Variants in C11orf16 observed in about 807,000 individuals in gnomAD.
C11orf16 encodes chromosome 11 open reading frame 16.
C11orf16 carries 38 observed loss-of-function variants against 45.1 expected under a neutral mutation model. The observed-to-expected ratio is 0.84, with a 90% CI of 0.65 to 1.10. The LOEUF is 1.10. Among genes scored for constraint, C11orf16 ranks in the 50% least tolerant of loss-of-function variants. The probability of loss-of-function intolerance (pLI) is 0.00; values close to 1 mark genes in which losing one functional copy is unlikely to be tolerated. For missense variants in C11orf16, 583 were observed against 569.5 expected (o/e 1.02, Z -0.24); for synonymous variants, 221 against 222.0 (o/e 1.00, Z 0.04).
At chr11:8,931,415 G>A (rs1181993597) in intron 2 of C11orf16, among the ~76,000 whole-genome samples, 3 of 152,024 alleles carry the variant, frequency 2.0e-5, no homozygotes, top group African/African-American at 7.2e-5. Context: ...TTGAGACAGA[G>A]TCTCACTCTG....
intron 2 of C11orf16, 93 bp downstream of exon 2, chr11:8,932,049 G>A (rs916853472): frequency 1.3e-5 from 17 of 1,325,966 alleles, no homozygotes; most frequent in Non-Finnish European, 1.7e-5. Flanking sequence ...TTCTCAGGAA[G>A]CAAGTCTGTC....
At chr11:8,924,444 C>T (rs75841717) in intron 5 of C11orf16, among the ~76,000 whole-genome samples, 31,353 of 151,938 alleles carry the variant, frequency 0.21, 3,357 homozygotes, top group East Asian at 0.35. Context: ...GAGAATCACT[C>T]GAACCTGGGA....
At chr11:8,924,631 C>A (rs1256310425) in intron 5 of C11orf16, among the ~76,000 whole-genome samples, 2 of 152,266 alleles carry the variant, frequency 1.3e-5, no homozygotes, top group East Asian at 1.9e-4. Context: ...AACCAGGGAC[C>A]CCCAGTGGGT....
chr11:8,928,615 CT>C (rs1405302844), intron 3 of C11orf16, among the ~76,000 whole-genome samples: 1 of 152,216 alleles, frequency 6.6e-6, no homozygotes, highest in Non-Finnish European at 1.5e-5. Flanking sequence ...ATCTTCCTGC[CT>C]GAGCCTCCCA....
Position 8,921,369 on chromosome 11 carries a change from T to G in C11orf16, c.1351A>C (p.Arg451=). ...ATTGCAAGGCTCTGACTCCGCTTTC[T>G]GTGTTCAGCTTCCCCTGGCGGGGTC... The part of the protein sequence containing the change: ...PRTPPGEAEH[R]KRSQSLAICQ... Residue 451 remains arginine (R), a synonymous_variant, in exon 6 of 7, where the codon AGA becomes CGA. Coordinates refer to ENST00000326053, the MANE Select transcript of C11orf16 (RefSeq NM_020643.3). 1 of 1,614,248 alleles carries G rather than the reference T, an allele frequency of 6.2e-7. No homozygotes were observed. The highest frequency in any genetic ancestry group is 8.5e-7 in the Non-Finnish European group (1 of 1,180,046).
rs911616559 is a variant in C11orf16, at chr11:8,925,462, C to T, written c.1204+1G>A. The T allele has an allele frequency of 2.5e-6, 4 of 1,610,344 alleles. No homozygotes were observed. In the African/African-American group the frequency reaches 5.3e-5, roughly 22 times the overall value. On this transcript the variant is annotated splice_donor_variant, in intron 5 of 6. Coordinates refer to ENST00000326053, the MANE Select transcript of C11orf16 (RefSeq NM_020643.3). LOFTEE classifies it high-confidence loss of function. Reference sequence around the variant, plus strand: ...AAAGCAAGCCCACTCCCCTGGTATACCTGGCTTCCCAAGGCATGGCTCAGG... The same window carrying T: ...AAAGCAAGCCCACTCCCCTGGTATATCTGGCTTCCCAAGGCATGGCTCAGG...
At chr11:8,921,834 TCTCA>T (rs1006631232) in intron 5 of C11orf16, among the ~76,000 whole-genome samples, 44 of 152,092 alleles carry the variant, frequency 2.9e-4, no homozygotes, top group Non-Finnish European at 5.7e-4. Flanking sequence ...GTAGAAACGG[TCTCA>T]CTATGTTGCC....
intron 3 of C11orf16, 145 bp from the exon 4 acceptor site, chr11:8,927,319 T>C: frequency 3.1e-6 from 2 of 648,986 alleles, no homozygotes; most frequent in Non-Finnish European, 5.4e-6. Flanking sequence ...ACAGGGCAGA[T>C]GCTGCTTCAA....
chr11:8,929,311 G>C (rs2064635010), intron 3 of C11orf16, 66 bp downstream of exon 3: 8 of 1,520,552 alleles, frequency 5.3e-6, no homozygotes, highest in African/African-American at 1.4e-5. Flanking sequence ...CACAGCTAAG[G>C]CATGTCAGGT....
In C11orf16 at chr11:8,930,846, G is replaced by GC. The variant is rs576993413; in HGVS notation, c.167+1295dup. On this transcript the variant is annotated intron_variant, in intron 2 of 6. Coordinates refer to ENST00000326053, the MANE Select transcript of C11orf16 (RefSeq NM_020643.3). Reference sequence around the variant, plus strand: ...GCAGACCCATGCTGAGCTGCCCTCAGCCCCCCTCAGCCTCCTTCCTGTGCT... The same window carrying GC: ...GCAGACCCATGCTGAGCTGCCCTCAGCCCCCCCTCAGCCTCCTTCCTGTGCT... Among the ~76,000 whole-genome samples the GC allele has an allele frequency of 4.2e-4, 64 of 152,256 alleles. 1 individual carries two copies. Among genetic ancestry groups the GC allele is most frequent in the Admixed American group, 3.9e-3 (60 of 15,292 alleles).
chr11:8,931,145 A>T (rs944325868), intron 2 of C11orf16, among the ~76,000 whole-genome samples: 1 of 152,092 alleles, frequency 6.6e-6, no homozygotes, highest in Non-Finnish European at 1.5e-5. Context: ...GTACCGAGGG[A>T]ACCTGAAGAG....
At chr11:8,928,020 G>A (rs1160593480) in intron 3 of C11orf16, among the ~76,000 whole-genome samples, 2 of 152,136 alleles carry the variant, frequency 1.3e-5, no homozygotes, top group Admixed American at 1.3e-4. Flanking sequence ...CGATTCTCCT[G>A]TCTCAGGTTC....
At chr11:8,931,302 C>T (rs1253554680) in intron 2 of C11orf16, among the ~76,000 whole-genome samples, 1 of 152,128 alleles carries the variant, frequency 6.6e-6, no homozygotes, top group Non-Finnish European at 1.5e-5. Context: ...CGGCTCACTG[C>T]AACCTCTGCC....
At chr11:8,921,198 A>G in intron 6 of C11orf16, 96 bp downstream of exon 6, 1 of 918,056 alleles carries the variant, frequency 1.1e-6, no homozygotes, top group Non-Finnish European at 1.7e-6. Flanking sequence ...ACAAGGGGTC[A>G]TAGGTTTTAC....
rs2064659406 is a variant in C11orf16, at chr11:8,932,914, C to G, written c.-32G>C. The G allele has an allele frequency of 6.6e-6, 1 of 152,612 alleles. No homozygotes were observed. Among genetic ancestry groups the G allele is most frequent in the Non-Finnish European group, 1.5e-5 (1 of 68,374 alleles). The allele number at this position is 152,612 out of a possible 1,614,324, so 9.5% of individuals were successfully genotyped here. On this transcript the variant is annotated 5_prime_UTR_variant, in exon 1 of 7. Transcript: ENST00000326053. ...ACAAGGACTTACCCACAGCCCCAAA[C>G]TCCCAGCCTCCACCTCAGCCTCAGG... is the stretch of plus-strand genomic sequence containing the variant.
In C11orf16 at chr11:8,920,425, G is replaced by A. The variant is rs1049459288; in HGVS notation, c.*48C>T. ...TCAGCCACTCTGTATAACTCTCCTC[G>A]AATATTTACCATGTTTATTCTTTAC... is the stretch of plus-strand genomic sequence containing the variant. On this transcript the variant is annotated 3_prime_UTR_variant, in exon 7 of 7. Transcript: ENST00000326053. The A allele has an allele frequency of 1.5e-5, 10 of 680,106 alleles. No homozygotes were observed. The highest frequency in any genetic ancestry group is 2.4e-5 in the Non-Finnish European group (9 of 374,762). 42.1% of individuals were successfully genotyped at this position (680,106 alleles called of 1,614,324 possible). A position where few individuals can be genotyped will look rare whatever the true frequency, so the allele number is the denominator to read the frequency against.
In C11orf16 at chr11:8,927,106, G is replaced by A. The variant is rs1201966438; in HGVS notation, c.393C>T (p.Ala131=). ...CTTCTAAGACCACTCTCTGCTGCTG[G>A]GCTGGCAGCTTTGGGCCTGCGACAA... ...APLVAGPKLP[A]QQQRVVLEED... is the part of the protein sequence containing the mutation. Residue 131 remains alanine (A), a synonymous_variant, in exon 4 of 7, where the codon GCC becomes GCT. Transcript: ENST00000326053. The A allele has an allele frequency of 6.2e-7, 1 of 1,614,138 alleles. No individual in the cohort carries two copies. Among genetic ancestry groups the A allele is most frequent in the East Asian group, 2.2e-5 (1 of 44,880 alleles).
At chr11:8,927,562 C>T (rs752632595) in intron 3 of C11orf16, 5 of 457,180 alleles carry the variant, frequency 1.1e-5, no homozygotes, top group Admixed American at 4.7e-5. Flanking sequence ...CCCCAAGAAG[C>T]GTCGCTCCTG....
At chr11:8,930,262 C>A (rs2064641294) in intron 2 of C11orf16, among the ~76,000 whole-genome samples, 1 of 151,752 alleles carries the variant, frequency 6.6e-6, no homozygotes, top group Non-Finnish European at 1.5e-5. Flanking sequence ...CCCACCTCTA[C>A]TAAAAATACA....
Sources: allele counts gnomAD v4.1 joint callset (sites outside exome capture counted in the v4.1 genomes callset), GRCh38; gene constraint gnomAD v4.1.1; transcripts MANE v1.5; gene names NCBI Gene and HGNC (gene_info 2026-07-23, HGNC 2026-07-21).